LOC128092252: variants seen among roughly 807,000 people sequenced by gnomAD.
chr15:50,649,451 AG>A, the LOC128092252 span, among the ~76,000 whole-genome samples: 2 of 150,688 alleles, frequency 1.3e-5, no homozygotes, highest in Admixed American at 6.6e-5. Flanking sequence ...AAAAAAAAAA[AG>A]AAAGAAAGAA....
the LOC128092252 span, among the ~76,000 whole-genome samples, chr15:50,669,296 G>A: frequency 2.7e-5 from 4 of 150,494 alleles, no homozygotes; most frequent in South Asian, 2.1e-4. Flanking sequence ...TTAGCCAGGC[G>A]TGGTGGTGTG....
At chr15:50,656,010 A>C in the LOC128092252 span, among the ~76,000 whole-genome samples, 1 of 40,030 alleles carries the variant, frequency 2.5e-5, no homozygotes, top group Non-Finnish European at 7.7e-5. Flanking sequence ...AGAAAAAAAC[A>C]AAAAAAAAAA....
the LOC128092252 span, among the ~76,000 whole-genome samples, chr15:50,671,574 G>A: frequency 6.6e-6 from 1 of 152,088 alleles, no homozygotes; most frequent in Non-Finnish European, 1.5e-5. Context: ...CGTGGGAGGA[G>A]GAGATGAGAG....
At chr15:50,681,427 G>C in the LOC128092252 span, among the ~76,000 whole-genome samples, 1 of 152,268 alleles carries the variant, frequency 6.6e-6, no homozygotes, top group South Asian at 2.1e-4. Context: ...AGACTAGGAA[G>C]ACTATCATTT....
chr15:50,671,567 GGGA>G, the LOC128092252 span, among the ~76,000 whole-genome samples: 41 of 152,096 alleles, frequency 2.7e-4, no homozygotes, highest in African/African-American at 9.7e-4. Flanking sequence ...ACCTTGCCGT[GGGA>G]GGAGGAGATG....
chr15:50,679,533 T>TA, the LOC128092252 span, among the ~76,000 whole-genome samples: 3 of 51,792 alleles, frequency 5.8e-5, no homozygotes, highest in Admixed American at 2.2e-4. Context: ...TATATATATA[T>TA]ATATATTTTT....
chr15:50,685,799 C>T, the LOC128092252 span, among the ~76,000 whole-genome samples: 1 of 152,142 alleles, frequency 6.6e-6, no homozygotes, highest in Non-Finnish European at 1.5e-5. Flanking sequence ...CCATTCCGCA[C>T]CTTTCGGTTT....
chr15:50,679,681 G>A, the LOC128092252 span, among the ~76,000 whole-genome samples: 4,329 of 150,228 alleles, frequency 0.029, 97 homozygotes, highest in Non-Finnish European at 0.044. Flanking sequence ...GATTACAGGC[G>A]CACACCATCA....
the LOC128092252 span, among the ~76,000 whole-genome samples, chr15:50,679,511 AATATAT>A: frequency 7.5e-3 from 565 of 75,180 alleles, 9 homozygotes; most frequent in African/African-American, 0.012. Context: ...GTATATATAT[AATATAT>A]ATATATATAT....
At chr15:50,662,007 C>T in the LOC128092252 span, among the ~76,000 whole-genome samples, 1 of 151,840 alleles carries the variant, frequency 6.6e-6, no homozygotes, top group Admixed American at 6.6e-5. Flanking sequence ...GACCTCAGGT[C>T]AGGGGTTCAA....
the LOC128092252 span, among the ~76,000 whole-genome samples, chr15:50,675,321 C>T: frequency 2.6e-5 from 4 of 151,218 alleles, no homozygotes; most frequent in East Asian, 3.9e-4. Flanking sequence ...CCAACCCAGG[C>T]GACAAGAGCA....
chr15:50,683,061 T>G, the LOC128092252 span, among the ~76,000 whole-genome samples: 1 of 151,976 alleles, frequency 6.6e-6, no homozygotes, highest in East Asian at 1.9e-4. Context: ...GTTTTTTTAT[T>G]TTTTTTGGTA....
chr15:50,681,592 T>C, the LOC128092252 span, among the ~76,000 whole-genome samples: 1 of 152,186 alleles, frequency 6.6e-6, no homozygotes, highest in South Asian at 2.1e-4. Context: ...AAACTAAGCC[T>C]GTTAAATTTC....
At chr15:50,658,351 T>C in the LOC128092252 span, among the ~76,000 whole-genome samples, 85 of 151,982 alleles carry the variant, frequency 5.6e-4, 1 homozygote, top group South Asian at 9.4e-3. Context: ...CACAGGTGAA[T>C]TGCTTGAGTC....
chr15:50,685,470 A>C, the LOC128092252 span, among the ~76,000 whole-genome samples: 1 of 152,224 alleles, frequency 6.6e-6, no homozygotes, highest in East Asian at 1.9e-4. Context: ...ACAAACAAAC[A>C]AAAAAGAATA....
the LOC128092252 span, among the ~76,000 whole-genome samples, chr15:50,671,767 G>A: frequency 6.6e-6 from 1 of 151,826 alleles, no homozygotes; most frequent in Non-Finnish European, 1.5e-5. Flanking sequence ...CTATGATCAC[G>A]CCACTACACT....
chr15:50,654,333 G>A, the LOC128092252 span, among the ~76,000 whole-genome samples: 10 of 151,436 alleles, frequency 6.6e-5, no homozygotes, highest in East Asian at 1.9e-3. Context: ...TGTAATCCCA[G>A]CTACTCGGGA....
chr15:50,686,466 A>C, the LOC128092252 span: 2 of 1,613,790 alleles, frequency 1.2e-6, no homozygotes. Context: ...TTGCCTGCCA[A>C]GTCTCTCCTT....
At chr15:50,666,629 C>A in the LOC128092252 span, among the ~76,000 whole-genome samples, 2 of 152,118 alleles carry the variant, frequency 1.3e-5, no homozygotes, top group South Asian at 2.1e-4. Flanking sequence ...CATGGAGAAA[C>A]CTGTCTCTAC....
Sources: gnomAD v4.1 joint callset for allele counts (sites outside exome capture counted in the v4.1 genomes callset) on GRCh38, gnomAD v4.1.1 for gene constraint, MANE v1.5 for transcripts.